BANK1: variants seen among roughly 807,000 people sequenced by gnomAD.
BANK1 encodes B-cell scaffold protein with ankyrin repeats.
BANK1 carries 95 observed loss-of-function variants against 94.5 expected under a neutral mutation model. The observed-to-expected ratio is 1.00, with a 90% CI of 0.85 to 1.19. BANK1 has a LOEUF of 1.19. BANK1 is among the 50% of genes most tolerant of loss of function. BANK1 has a pLI of 0.00. For missense variants in BANK1, 987 were observed against 932.2 expected (o/e 1.06, Z -0.77); for synonymous variants, 334 against 308.4 (o/e 1.08, Z -0.87).
chr4:101,816,017 T>C (rs140747883), intron 1 of BANK1, among the ~76,000 whole-genome samples: 2 of 152,292 alleles, frequency 1.3e-5, no homozygotes, highest in African/African-American at 4.8e-5. Context: ...TGAACTTTTA[T>C]GTGTTTGTGG....
chr4:101,791,366 C>T (rs1047902695), intron 1 of BANK1, among the ~76,000 whole-genome samples: 2 of 152,214 alleles, frequency 1.3e-5, no homozygotes, highest in African/African-American at 4.8e-5. Flanking sequence ...TGTAGCGTCA[C>T]GCATTTACCT....
chr4:101,908,934 C>T lies in BANK1; in HGVS notation c.1010-9059C>T, dbSNP rs374260068. On this transcript the variant is annotated intron_variant, in intron 6 of 16. Coordinates refer to ENST00000322953, the MANE Select transcript of BANK1 (RefSeq NM_017935.5). ...AGGTGCTGGAGAGGATGTGGAGAAA[C>T]AGGAACACTTTTACACTGTTGGTGG... Among the ~76,000 whole-genome samples, 25 of 152,192 alleles carry T rather than the reference C, an allele frequency of 1.6e-4. No homozygotes were observed. The East Asian group carries it at 3.1e-3, about 19-fold the overall frequency.
chr4:101,817,243 G>A (rs1449881091), intron 1 of BANK1, among the ~76,000 whole-genome samples: 1 of 152,080 alleles, frequency 6.6e-6, no homozygotes, highest in Non-Finnish European at 1.5e-5. Flanking sequence ...GTTCATCGCA[G>A]CATTATTCAC....
intron 7 of BANK1, among the ~76,000 whole-genome samples, chr4:101,985,433 T>C (rs537596658): frequency 6.6e-6 from 1 of 152,272 alleles, no homozygotes; most frequent in East Asian, 1.9e-4. Flanking sequence ...AGTTGATACA[T>C]AAAATTAACA....
intron 7 of BANK1, among the ~76,000 whole-genome samples, chr4:102,021,096 A>G (rs1726881638): frequency 6.6e-6 from 1 of 152,202 alleles, no homozygotes; most frequent in African/African-American, 2.4e-5. Context: ...TTATAATTTC[A>G]TTGTCTTTCA....
rs762280973 is a variant in BANK1 at position 101,917,977 on chromosome 4, C to T, written c.1010-16C>T. The stretch of plus-strand genomic sequence containing the variant: ...AAAATGAAAACATTAAATCCTACTA[C>T]TTCTTATGCTTACAGATACTCATTT... On this transcript the variant is annotated splice_polypyrimidine_tract_variant and intron_variant, in intron 6 of 16. Transcript: ENST00000322953. 1.3e-6 allele frequency: 2 copies of T among 1,564,464 alleles called. No individual in the cohort carries two copies. Among genetic ancestry groups the T allele is most frequent in the Non-Finnish European group, 1.7e-6 (2 of 1,143,252 alleles).
intron 7 of BANK1, among the ~76,000 whole-genome samples, chr4:101,984,511 C>T (rs186605470): frequency 6.6e-6 from 1 of 152,190 alleles, no homozygotes; most frequent in East Asian, 1.9e-4. Context: ...ATACACATAA[C>T]ATGCAATTTG....
intron 5 of BANK1, among the ~76,000 whole-genome samples, chr4:101,875,584 C>A (rs928438590): frequency 6.6e-6 from 1 of 152,068 alleles, no homozygotes; most frequent in Non-Finnish European, 1.5e-5. Context: ...GGAGAAACCA[C>A]CCCCATGATC....
chr4:102,028,976 A>C (rs539867681), intron 9 of BANK1, among the ~76,000 whole-genome samples: 1 of 152,004 alleles, frequency 6.6e-6, no homozygotes, highest in Non-Finnish European at 1.5e-5. Flanking sequence ...GTGCAATGGC[A>C]TGCCTATAGC....
intron 13 of BANK1, among the ~76,000 whole-genome samples, chr4:102,069,985 A>AG (rs149197841): frequency 1.3e-5 from 2 of 152,104 alleles, no homozygotes; most frequent in African/African-American, 4.8e-5. Flanking sequence ...AGAAATTCTT[A>AG]GGGGTGGCAA....
At chr4:102,072,196 C>T in intron 14 of BANK1, 149 bp from the exon 15 acceptor site, 1 of 665,246 alleles carries the variant, frequency 1.5e-6, no homozygotes, top group Non-Finnish European at 2.6e-6. Context: ...CCAAGGGTGC[C>T]TTTTCGGTAT....
chr4:101,996,762 A>G (rs2148934507), intron 7 of BANK1, among the ~76,000 whole-genome samples: 2 of 152,132 alleles, frequency 1.3e-5, no homozygotes, highest in South Asian at 4.2e-4. Flanking sequence ...AATGCTTGTG[A>G]TTTTTGCACA....
intron 8 of BANK1, among the ~76,000 whole-genome samples, chr4:102,023,614 T>G (rs1382554334): frequency 6.6e-6 from 1 of 152,160 alleles, no homozygotes; most frequent in Non-Finnish European, 1.5e-5. Context: ...CCATTGGTAT[T>G]ACCATTACAA....
intron 1 of BANK1, among the ~76,000 whole-genome samples, chr4:101,829,189 T>A (rs908185320): frequency 6.6e-6 from 1 of 152,200 alleles, no homozygotes; most frequent in African/African-American, 2.4e-5. Context: ...CAGTTTTAGC[T>A]GGAGCCTGAT....
At chr4:101,960,476 G>A (rs1724529553) in intron 7 of BANK1, among the ~76,000 whole-genome samples, 1 of 152,080 alleles carries the variant, frequency 6.6e-6, no homozygotes, top group African/African-American at 2.4e-5. Context: ...CACAAGTAGA[G>A]TGTTTGACAA....
intron 1 of BANK1, among the ~76,000 whole-genome samples, chr4:101,797,326 T>C (rs1007196609): frequency 1.3e-5 from 2 of 152,094 alleles, no homozygotes; most frequent in Admixed American, 6.5e-5. Flanking sequence ...AGGAGAAGAA[T>C]CTGAAAAGTA....
Position 101,918,163 on chromosome 4 carries a change from C to G in BANK1, c.1180C>G (p.Leu394Val). The G allele has an allele frequency of 1.9e-6, 3 of 1,578,554 alleles. No homozygotes were observed. The highest frequency in any genetic ancestry group is 2.6e-6 in the Non-Finnish European group (3 of 1,161,678). The change falls in exon 7 of 17, where the codon CTC (leucine) becomes GTC (valine). Residue 394 changes from leucine to valine, a missense_variant. Coordinates refer to ENST00000322953, the MANE Select transcript of BANK1 (RefSeq NM_017935.5). Reference sequence around the variant, plus strand: ...TGCTGAAAGGCATGGTCACAAAGAACTCAAGAAAATCTTCGAAGACTTTTC... The same window carrying G: ...TGCTGAAAGGCATGGTCACAAAGAAGTCAAGAAAATCTTCGAAGACTTTTC... Reference protein sequence around the residue: ...HIAERHGHKELKKIFEDFSIQ... With the variant: ...HIAERHGHKEVKKIFEDFSIQ...
At chr4:101,881,943 G>C (rs1274746784) in intron 5 of BANK1, among the ~76,000 whole-genome samples, 3 of 151,934 alleles carry the variant, frequency 2.0e-5, no homozygotes, top group African/African-American at 7.3e-5. Flanking sequence ...GGGTTTGGGT[G>C]GGGGAGGTGG....
At chr4:101,986,599 A>AATT (rs1007286074) in intron 7 of BANK1, among the ~76,000 whole-genome samples, 5 of 151,438 alleles carry the variant, frequency 3.3e-5, no homozygotes, top group Non-Finnish European at 5.9e-5. Context: ...AGTAATTGGT[A>AATT]ATTATTATTA....
Sources: allele counts gnomAD v4.1 joint callset (sites outside exome capture counted in the v4.1 genomes callset), GRCh38; gene constraint gnomAD v4.1.1; transcripts MANE v1.5; gene names NCBI Gene and HGNC (gene_info 2026-07-23, HGNC 2026-07-21).